The following GNAL variants were observed in gnomAD, a reference collection of about 807,000 sequenced individuals.
GNAL encodes the protein G protein subunit alpha L.
Under a neutral mutation model 55.1 loss-of-function variants are expected in GNAL, and 18 were observed. The observed-to-expected ratio is 0.33, with a 90% CI of 0.23 to 0.48. The LOEUF is 0.48. Among genes scored for constraint, GNAL ranks in the 20% least tolerant of loss-of-function variants. The probability of loss-of-function intolerance (pLI) is 0.99; values close to 1 mark genes in which losing one functional copy is unlikely to be tolerated. For missense variants in GNAL, 412 were observed against 614.1 expected (o/e 0.67, Z 3.48); for synonymous variants, 253 against 237.0 (o/e 1.07, Z -0.62).
chr18:11,758,999 C>T (rs2033152783), intron 4 of GNAL, among the ~76,000 whole-genome samples: 1 of 151,992 alleles, frequency 6.6e-6, no homozygotes, highest in African/African-American at 2.4e-5. Context: ...GTGGTGAAAC[C>T]CCGTCTCTAC....
chr18:11,696,958 G>A (rs1315624758), intron 1 of GNAL, among the ~76,000 whole-genome samples: 5 of 152,244 alleles, frequency 3.3e-5, no homozygotes, highest in East Asian at 1.9e-4. Context: ...CCTTAGCACC[G>A]CCATCCTCCA....
chr18:11,844,155 C>T (rs2035680118), intron 5 of GNAL, among the ~76,000 whole-genome samples: 1 of 151,748 alleles, frequency 6.6e-6, no homozygotes, highest in South Asian at 2.1e-4. Context: ...TTCTCAGGGC[C>T]GGGCACAGTG....
At chr18:11,696,325 A>G (rs2031410207) in intron 1 of GNAL, among the ~76,000 whole-genome samples, 1 of 144,600 alleles carries the variant, frequency 6.9e-6, no homozygotes, top group Admixed American at 6.7e-5. Flanking sequence ...ACATGGTGAA[A>G]CCCCGTCTCT....
chr18:11,725,775 C>T (rs928674771), intron 1 of GNAL, among the ~76,000 whole-genome samples: 2 of 152,208 alleles, frequency 1.3e-5, no homozygotes, highest in African/African-American at 4.8e-5. Context: ...GTTCTCAACT[C>T]ATTTGGGTAA....
intron 4 of GNAL, among the ~76,000 whole-genome samples, chr18:11,788,911 A>AT (rs1206393099): frequency 0.011 from 1,202 of 104,992 alleles, 3 homozygotes; most frequent in African/African-American, 0.02. Flanking sequence ...AAAAAAAAAA[A>AT]AAAATATATA....
chr18:11,743,258 G>A (rs1481539339), intron 1 of GNAL, among the ~76,000 whole-genome samples: 1 of 148,418 alleles, frequency 6.7e-6, no homozygotes, highest in Non-Finnish European at 1.5e-5. Flanking sequence ...TTAACACTGG[G>A]ATTAACACGT....
intron 5 of GNAL, among the ~76,000 whole-genome samples, chr18:11,834,545 C>CA (rs5823176): frequency 5.3e-4 from 77 of 144,062 alleles, no homozygotes; most frequent in Middle Eastern, 3.5e-3. Flanking sequence ...CTAGTGTCTA[C>CA]AAAAAAAAAA....
intron 1 of GNAL, among the ~76,000 whole-genome samples, chr18:11,744,236 C>T (rs1010727362): frequency 6.6e-6 from 1 of 151,978 alleles, no homozygotes; most frequent in Non-Finnish European, 1.5e-5. Context: ...GTGTTATTCT[C>T]CTTTACAGAT....
intron 10 of GNAL, chr18:11,874,338 T>G (rs2036472986): frequency 6.6e-6 from 1 of 151,778 alleles, no homozygotes; most frequent in Admixed American, 6.6e-5. Context: ...TAACAGTTGG[T>G]CCATGTGACG....
chr18:11,767,434 T>C (rs568566116), intron 4 of GNAL, among the ~76,000 whole-genome samples: 54 of 151,758 alleles, frequency 3.6e-4, no homozygotes, highest in Non-Finnish European at 6.5e-4. Flanking sequence ...GTGCACCCTT[T>C]TGCTTGCACA....
chr18:11,760,379 G>A (rs1442043906), intron 4 of GNAL, among the ~76,000 whole-genome samples: 1 of 152,186 alleles, frequency 6.6e-6, no homozygotes, highest in Non-Finnish European at 1.5e-5. Flanking sequence ...TTTTGAGCTA[G>A]TGAGGTCTGG....
chr18:11,731,465 A>G (rs1040121383), intron 1 of GNAL, among the ~76,000 whole-genome samples: 4 of 152,154 alleles, frequency 2.6e-5, no homozygotes, highest in African/African-American at 9.7e-5. Flanking sequence ...TCAGTTTTTA[A>G]GGTTTTTCTG....
At chr18:11,846,464 T>TACACACACACACACACAC (rs57334090) in intron 5 of GNAL, among the ~76,000 whole-genome samples, 6 of 140,096 alleles carry the variant, frequency 4.3e-5, no homozygotes, top group African/African-American at 8.0e-5. Context: ...TATATAAATA[T>TACACACACACACACACAC]ACACACACAC....
intron 1 of GNAL, chr18:11,746,683 C>G (rs2032694981): frequency 7.8e-6 from 2 of 257,024 alleles, no homozygotes; most frequent in South Asian, 9.5e-5. Flanking sequence ...GAAGGATAGG[C>G]TCCATTTTAT....
chr18:11,738,286 C>G (rs2032500268), intron 1 of GNAL, among the ~76,000 whole-genome samples: 3 of 152,210 alleles, frequency 2.0e-5, no homozygotes. Flanking sequence ...TGCCCAAGCA[C>G]AGCCTGGGCC....
intron 5 of GNAL, among the ~76,000 whole-genome samples, chr18:11,842,879 C>T (rs761556106): frequency 2.0e-5 from 3 of 152,154 alleles, no homozygotes; most frequent in Non-Finnish European, 2.9e-5. Flanking sequence ...TCATCTTTGG[C>T]CTTCTTTCAA....
chr18:11,716,180 A>C (rs987530950), intron 1 of GNAL, among the ~76,000 whole-genome samples: 3 of 152,190 alleles, frequency 2.0e-5, no homozygotes, highest in Non-Finnish European at 4.4e-5. Flanking sequence ...TGATAATCCT[A>C]CTGTGTCCGG....
chr18:11,749,880 G>A (rs2032775955), intron 1 of GNAL, among the ~76,000 whole-genome samples: 1 of 152,200 alleles, frequency 6.6e-6, no homozygotes, highest in Non-Finnish European at 1.5e-5. Flanking sequence ...TAGGAGGGAT[G>A]GGGTAAGCCC....
At chr18:11,774,558 G>A (rs1022488772) in intron 4 of GNAL, among the ~76,000 whole-genome samples, 10 of 152,166 alleles carry the variant, frequency 6.6e-5, no homozygotes, top group African/African-American at 1.9e-4. Flanking sequence ...GCCCTAAGCT[G>A]TATAACTGCA....
Sources: allele counts gnomAD v4.1 joint callset (sites outside exome capture counted in the v4.1 genomes callset), GRCh38; gene constraint gnomAD v4.1.1; transcripts MANE v1.5; gene names NCBI Gene and HGNC (gene_info 2026-07-23, HGNC 2026-07-21).